Variants in STON1 observed in about 807,000 individuals in gnomAD.
The protein encoded by STON1 is stonin-1.
STON1 carries 79 observed loss-of-function variants against 60.9 expected under a neutral mutation model. The observed-to-expected ratio is 1.30, with a 90% CI of 1.08 to 1.56. The LOEUF is 1.56. Among genes scored for constraint, STON1 ranks in the 40% most tolerant of loss-of-function variants. The pLI, the probability that STON1 is intolerant of heterozygous loss-of-function variation, is 0.00. For missense variants in STON1, 1,166 were observed against 858.9 expected (o/e 1.36, Z -4.47); for synonymous variants, 363 against 306.9 (o/e 1.18, Z -1.91).
chr2:48,587,995 C>T (rs954104027), intron 2 of STON1, among the ~76,000 whole-genome samples: 3 of 152,268 alleles, frequency 2.0e-5, no homozygotes, highest in African/African-American at 7.2e-5. Flanking sequence ...GAGAGGGTGC[C>T]AGGGCAGGCT....
chr2:48,535,815 G>A (rs781107600), intron 1 of STON1, among the ~76,000 whole-genome samples: 3 of 151,688 alleles, frequency 2.0e-5, no homozygotes, highest in Non-Finnish European at 4.4e-5. Flanking sequence ...AGCTGGGCAC[G>A]GTGGTTCATG....
At chr2:48,585,510 A>C (rs1427170023) in intron 2 of STON1, among the ~76,000 whole-genome samples, 1 of 152,004 alleles carries the variant, frequency 6.6e-6, no homozygotes, top group African/African-American at 2.4e-5. Context: ...CGGCCTCCCA[A>C]AGTGCTGGGA....
intron 1 of STON1, among the ~76,000 whole-genome samples, chr2:48,537,923 G>A (rs557192222): frequency 1.3e-5 from 2 of 150,724 alleles, no homozygotes; most frequent in South Asian, 4.2e-4. Context: ...AGCTTGTATT[G>A]GCCCTATAAA....
rs1019120369 is a variant in STON1, at chr2:48,554,154, C to G, written c.-48+23938C>G. On this transcript the variant is annotated intron_variant, in intron 1 of 3. Coordinates refer to ENST00000404752, the MANE Select transcript of STON1 (RefSeq NM_006873.4). ...GTGTGCCTTGCTGAGCTGGGCTGTG[C>G]AGAGGCACCTGAGATGACTTGGGCT... Among the ~76,000 whole-genome samples the G allele has an allele frequency of 2.6e-5, 4 of 152,286 alleles. No individual in the cohort carries two copies. In the East Asian group the frequency reaches 7.7e-4, roughly 29 times the overall value.
intron 3 of STON1, among the ~76,000 whole-genome samples, chr2:48,593,745 A>G (rs1674652188): frequency 6.6e-6 from 1 of 152,214 alleles, no homozygotes; most frequent in Non-Finnish European, 1.5e-5. Flanking sequence ...GCTAATATCA[A>G]CTGGGTTTCC....
chr2:48,581,922 A>T lies in STON1; in HGVS notation c.1289A>T (p.Glu430Val), dbSNP rs1318441562. Reference sequence around the variant, plus strand: ...AACTTTTGGGGTAAAGTCACAAAAGAAGGAAAATTTGTTGAAAGTGCTGTG... The same window carrying T: ...AACTTTTGGGGTAAAGTCACAAAAGTAGGAAAATTTGTTGAAAGTGCTGTG... ...VDNFWGKVTK[E>V]GKFVESAVIT... Residue 430 changes from glutamate to valine, a missense_variant, in exon 2 of 4, where the codon GAA (glutamate) becomes GTA (valine). Transcript: ENST00000404752. The T allele has an allele frequency of 6.2e-7, 1 of 1,614,110 alleles. No homozygotes were observed. Among genetic ancestry groups the T allele is most frequent in the Non-Finnish European group, 8.5e-7 (1 of 1,180,014 alleles).
At chr2:48,532,132 G>T (rs750116074) in intron 1 of STON1, among the ~76,000 whole-genome samples, 4 of 151,968 alleles carry the variant, frequency 2.6e-5, no homozygotes, top group Non-Finnish European at 5.9e-5. Context: ...CAGATCACTT[G>T]AGGTCAGGAG....
chr2:48,539,998 C>A (rs1487147846), intron 1 of STON1, among the ~76,000 whole-genome samples: 2 of 152,042 alleles, frequency 1.3e-5, no homozygotes, highest in East Asian at 3.9e-4. Context: ...TCCTGGACCC[C>A]CTCACTGCAT....
At chr2:48,592,568 AT>A (rs1674581961) in intron 3 of STON1, among the ~76,000 whole-genome samples, 2 of 150,218 alleles carry the variant, frequency 1.3e-5, no homozygotes, top group Non-Finnish European at 3.0e-5. Flanking sequence ...AGTAACTGGG[AT>A]TACAGCCACC....
intron 1 of STON1, among the ~76,000 whole-genome samples, chr2:48,558,500 C>A (rs950596170): frequency 2.0e-5 from 3 of 152,216 alleles, no homozygotes; most frequent in Non-Finnish European, 2.9e-5. Flanking sequence ...TACTGCTAAT[C>A]TCTGCTCAGT....
At chr2:48,554,776 G>A (rs1672251620) in intron 1 of STON1, among the ~76,000 whole-genome samples, 1 of 62,482 alleles carries the variant, frequency 1.6e-5, no homozygotes, top group Admixed American at 1.6e-4. Flanking sequence ...TCTCACAGAG[G>A]GGGATTTGGC....
At chr2:48,532,706 C>T (rs10184783) in intron 1 of STON1, among the ~76,000 whole-genome samples, 65,099 of 152,006 alleles carry the variant, frequency 0.43, 15,763 homozygotes, top group East Asian at 0.75. Context: ...TGCCCAGCAG[C>T]CCGAGGAGAG....
Position 48,558,571 on chromosome 2 carries a change from G to C in STON1, c.-47-22016G>C, listed in dbSNP as rs556051229. 1.5e-4 allele frequency among the ~76,000 whole-genome samples: 23 copies of C among 152,350 alleles called. 1 individual carries two copies. Among genetic ancestry groups the C allele is most frequent in the African/African-American group, 5.5e-4 (23 of 41,586 alleles). On this transcript the variant is annotated intron_variant, in intron 1 of 3. Transcript: ENST00000404752. ...TCTGCCATAGCTATGATCACAGTGT[G>C]TGTAATTGGATTTTGTATCTGCTTA... is the stretch of plus-strand genomic sequence containing the variant.
intron 1 of STON1, among the ~76,000 whole-genome samples, chr2:48,550,329 C>G (rs1169602154): frequency 6.6e-6 from 1 of 151,816 alleles, no homozygotes; most frequent in Non-Finnish European, 1.5e-5. Context: ...GAAACCCTCT[C>G]TCTGCTAAAT....
rs776109002 is a variant in STON1 at position 48,582,055 on chromosome 2, C to T, written c.1422C>T (p.Asp474=). ...GAGATGAATCCTATTATGAGAAGGA[C>T]TCAGAAAAAAAGGGGATTGATATTC... ...PKRDESYYEK[D]SEKKGIDILD... Residue 474 remains aspartate (D), a synonymous_variant, in exon 2 of 4, where the codon GAC becomes GAT. Coordinates refer to ENST00000404752, the MANE Select transcript of STON1 (RefSeq NM_006873.4). 1 of 1,613,786 alleles carries T rather than the reference C, an allele frequency of 6.2e-7. No individual in the cohort carries two copies. The highest frequency in any genetic ancestry group is 8.5e-7 in the Non-Finnish European group (1 of 1,179,912).
rs869188236 is a variant in STON1 at position 48,564,480 on chromosome 2, T to TTTCTTCTTCTTCTTCTTCTTCTTC, written c.-47-16042_-47-16019dup. ...CTTCTTCTTCTTCTTCTTCTTCTTC[T>TTTCTTCTTCTTCTTCTTCTTCTTC]TTCTTCTTCTTCTTCTTCTTCTTCT... On this transcript the variant is annotated intron_variant, in intron 1 of 3. Transcript: ENST00000404752. Among the ~76,000 whole-genome samples, 4 of 32,494 alleles carry TTTCTTCTTCTTCTTCTTCTTCTTC rather than the reference T, an allele frequency of 1.2e-4. 1 individual carries two copies. Among genetic ancestry groups the TTTCTTCTTCTTCTTCTTCTTCTTC allele is most frequent in the Admixed American group, 5.7e-4 (2 of 3,492 alleles). The allele number at this position is 32,494 out of a possible 152,430, so 21.3% of individuals were successfully genotyped here.
intron 1 of STON1, among the ~76,000 whole-genome samples, chr2:48,561,405 G>A (rs924709521): frequency 6.6e-6 from 1 of 152,146 alleles, no homozygotes; most frequent in Non-Finnish European, 1.5e-5. Flanking sequence ...ATAGGGCAAA[G>A]TGCAGAATTT....
rs535257882 is a variant in STON1, at chr2:48,563,674, TTTTG to T, written c.-47-16897_-47-16894del. ...TGAGGCACACCCTCCACGTGGCTTT[TTTTG>T]TTTGTTTGTTTGTTTTTGTTGTTGT... On this transcript the variant is annotated intron_variant, in intron 1 of 3. Coordinates refer to ENST00000404752, the MANE Select transcript of STON1 (RefSeq NM_006873.4). Among the ~76,000 whole-genome samples, 553 of 147,850 alleles carry T rather than the reference TTTTG, an allele frequency of 3.7e-3. 6 individuals carry two copies. The highest frequency in any genetic ancestry group is 5.8e-3 in the Admixed American group (85 of 14,768).
At chr2:48,569,988 A>G (rs1001860916) in intron 1 of STON1, among the ~76,000 whole-genome samples, 5 of 152,206 alleles carry the variant, frequency 3.3e-5, no homozygotes, top group Non-Finnish European at 5.9e-5. Flanking sequence ...TTTGTGAAAG[A>G]TGTATTTTTA....
Sources: gnomAD v4.1 joint callset for allele counts (sites outside exome capture counted in the v4.1 genomes callset) on GRCh38, gnomAD v4.1.1 for gene constraint, MANE v1.5 for transcripts, NCBI Gene and HGNC (gene_info 2026-07-23, HGNC 2026-07-21) for gene names.